TIMD4: variants seen among roughly 807,000 people sequenced by gnomAD.
TIMD4 encodes the protein T-cell immunoglobulin and mucin domain-containing protein 4.
Under a neutral mutation model 41.2 loss-of-function variants are expected in TIMD4, and 31 were observed. The observed-to-expected ratio is 0.75, with a 90% CI of 0.57 to 1.01. TIMD4 has a LOEUF of 1.01. Among genes scored for constraint, TIMD4 ranks in the 50% least tolerant of loss-of-function variants. The pLI, the probability that TIMD4 is intolerant of heterozygous loss-of-function variation, is 0.00. For synonymous variants in TIMD4, 204 were observed against 177.1 expected, an observed-to-expected ratio of 1.15 and a Z score of -1.21; for missense variants, 479 against 472.5, an observed-to-expected ratio of 1.01 and a Z score of -0.13.
intron 5 of TIMD4, among the ~76,000 whole-genome samples, chr5:156,929,145 G>C (rs1174770014): frequency 6.6e-6 from 1 of 152,172 alleles, no homozygotes; most frequent in African/African-American, 2.4e-5. Flanking sequence ...AGTTGACTGT[G>C]ATTTTTCTTC....
intron 7 of TIMD4, among the ~76,000 whole-genome samples, chr5:156,921,558 G>A (rs1239165499): frequency 1.4e-5 from 2 of 144,626 alleles, no homozygotes; most frequent in African/African-American, 5.1e-5. Flanking sequence ...AGGCGGAGGT[G>A]CAGTAAGCTG....
At chr5:156,921,437 A>C (rs1199345850) in intron 7 of TIMD4, among the ~76,000 whole-genome samples, 2 of 151,816 alleles carry the variant, frequency 1.3e-5, no homozygotes, top group African/African-American at 4.8e-5. Flanking sequence ...CCTAGCCCAC[A>C]TGGTGAAACC....
At chr5:156,960,405 C>CTTTT (rs1223450556) in intron 1 of TIMD4, among the ~76,000 whole-genome samples, 1 of 135,260 alleles carries the variant, frequency 7.4e-6, no homozygotes, top group African/African-American at 2.8e-5. Flanking sequence ...TTTCTTCCCC[C>CTTTT]TTTTTTTTTT....
At chr5:156,926,441 T>C (rs1759349339) in intron 5 of TIMD4, 129 bp from the exon 6 acceptor site, 1 of 885,196 alleles carries the variant, frequency 1.1e-6, no homozygotes, top group Admixed American at 2.4e-5. Flanking sequence ...TCCCGTGTTT[T>C]TTGTATAATC....
chr5:156,948,620 G>C, intron 4 of TIMD4, 121 bp from the exon 5 acceptor site: 1 of 452,322 alleles, frequency 2.2e-6, no homozygotes, highest in Non-Finnish European at 3.6e-6. Flanking sequence ...ACAAAACAAA[G>C]TATGTGCCAG....
intron 6 of TIMD4, among the ~76,000 whole-genome samples, chr5:156,922,635 T>TG (rs762705085): frequency 2.0e-5 from 3 of 152,232 alleles, no homozygotes; most frequent in Non-Finnish European, 4.4e-5. Flanking sequence ...AAAGTCTAGA[T>TG]GGGGGGCCCA....
intron 2 of TIMD4, among the ~76,000 whole-genome samples, chr5:156,953,614 A>G (rs1340958885): frequency 7.5e-6 from 1 of 132,936 alleles, no homozygotes; most frequent in African/African-American, 2.8e-5. Flanking sequence ...AAATTGTGCC[A>G]CTGTACTCCA....
At chr5:156,922,772 G>A (rs887225416) in intron 6 of TIMD4, among the ~76,000 whole-genome samples, 9 of 137,668 alleles carry the variant, frequency 6.5e-5, no homozygotes, top group Non-Finnish European at 1.4e-4. Context: ...TACACAGAAT[G>A]TGGAAACAGA....
intron 5 of TIMD4, among the ~76,000 whole-genome samples, chr5:156,935,039 T>C (rs1191298275): frequency 6.6e-6 from 1 of 152,222 alleles, no homozygotes; most frequent in Admixed American, 6.5e-5. Flanking sequence ...TTCTTTTCTT[T>C]CATGGGTAGC....
chr5:156,928,640 A>C (rs1022162640), intron 5 of TIMD4, among the ~76,000 whole-genome samples: 1 of 152,216 alleles, frequency 6.6e-6, no homozygotes, highest in African/African-American at 2.4e-5. Context: ...TTAAGGCAAA[A>C]GGATAAATGT....
At chr5:156,947,670 A>G (rs549056743) in intron 5 of TIMD4, among the ~76,000 whole-genome samples, 12 of 152,392 alleles carry the variant, frequency 7.9e-5, no homozygotes, top group African/African-American at 2.9e-4. Flanking sequence ...ATAAAACAAA[A>G]TGCAGAATGC....
At chr5:156,961,808 CAAAAAAAAAAA>C (rs71578911) in intron 1 of TIMD4, among the ~76,000 whole-genome samples, 18 of 27,988 alleles carry the variant, frequency 6.4e-4, no homozygotes, top group East Asian at 3.3e-3. Flanking sequence ...GACTCCGTCT[CAAAAAAAAAAA>C]AAAAAAAAAA....
At chr5:156,927,732 T>C (rs1165952735) in intron 5 of TIMD4, among the ~76,000 whole-genome samples, 1 of 152,150 alleles carries the variant, frequency 6.6e-6, no homozygotes, top group Non-Finnish European at 1.5e-5. Flanking sequence ...AAGTCTTTGA[T>C]ACCTCACCAG....
In TIMD4 at chr5:156,928,663, A is replaced by G. The variant is rs138637106; in HGVS notation, c.845-2351T>C. On this transcript the variant is annotated intron_variant, in intron 5 of 8. Coordinates refer to ENST00000274532, the MANE Select transcript of TIMD4 (RefSeq NM_138379.3). ...AAAGGATAAATGTGGTAGATTTTGT[A>G]AGGCTCATAATTTGGTATCAGAGAG... Among the ~76,000 whole-genome samples, 7 of 152,308 alleles carry G rather than the reference A, an allele frequency of 4.6e-5. No homozygotes were observed. In the East Asian group the frequency reaches 1.4e-3, roughly 29 times the overall value.
chr5:156,940,787 C>A (rs908243867), intron 5 of TIMD4, among the ~76,000 whole-genome samples: 2 of 152,182 alleles, frequency 1.3e-5, no homozygotes, highest in African/African-American at 2.4e-5. Flanking sequence ...GGGGCACCCC[C>A]GCCCGGCAGC....
intron 5 of TIMD4, among the ~76,000 whole-genome samples, chr5:156,935,941 C>A (rs1759532990): frequency 6.6e-6 from 1 of 152,226 alleles, no homozygotes; most frequent in South Asian, 2.1e-4. Context: ...ATTAGCTGAT[C>A]AATAAATCTT....
intron 8 of TIMD4, among the ~76,000 whole-genome samples, 179 bp downstream of exon 8, chr5:156,920,285 C>T (rs943488191): frequency 1.3e-5 from 2 of 152,200 alleles, no homozygotes; most frequent in Admixed American, 1.3e-4. Context: ...AGAGTGTTAA[C>T]CAAGACACAG....
intron 1 of TIMD4, among the ~76,000 whole-genome samples, chr5:156,960,468 G>T (rs1169888566): frequency 6.8e-6 from 1 of 147,062 alleles, no homozygotes; most frequent in Admixed American, 6.9e-5. Context: ...GTGCAGTGGT[G>T]CAATCTCGGC....
At chr5:156,922,249 T>A (rs1759258255) in intron 6 of TIMD4, 33 bp from the exon 7 acceptor site, 1 of 1,536,026 alleles carries the variant, frequency 6.5e-7, no homozygotes, top group Non-Finnish European at 9.0e-7. Context: ...ATGGACCCAG[T>A]CACTGCTAGA....
Sources: allele counts gnomAD v4.1 joint callset (sites outside exome capture counted in the v4.1 genomes callset), GRCh38; gene constraint gnomAD v4.1.1; transcripts MANE v1.5; gene names NCBI Gene and HGNC (gene_info 2026-07-23, HGNC 2026-07-21).